Variants in GALNTL6 observed in about 807,000 individuals in gnomAD.
GALNTL6 encodes the protein polypeptide N-acetylgalactosaminyltransferase like 6.
In GALNTL6, 46 loss-of-function variants were observed where a neutral mutation model predicts 73.7. That is an observed-to-expected ratio of 0.62 (90% CI 0.49 to 0.80). The LOEUF (loss-of-function observed/expected upper bound fraction) is 0.80, where lower values mean the gene tolerates loss of function less well. GALNTL6 is among the 30% of genes least tolerant of loss of function. The pLI is 0.00. For synonymous variants in GALNTL6, 259 were observed against 263.7 expected, an observed-to-expected ratio of 0.98 and a Z score of 0.17; for missense variants, 604 against 755.0, an observed-to-expected ratio of 0.80 and a Z score of 2.34.
chr4:172,670,914 C>T (rs1425422940), intron 5 of GALNTL6, among the ~76,000 whole-genome samples: 1 of 152,040 alleles, frequency 6.6e-6, no homozygotes, highest in East Asian at 1.9e-4. Context: ...GGTATCCTTT[C>T]CTTATTGCTT....
intron 2 of GALNTL6, among the ~76,000 whole-genome samples, chr4:171,861,667 A>G (rs1009578135): frequency 2.0e-5 from 3 of 152,082 alleles, no homozygotes; most frequent in Non-Finnish European, 2.9e-5. Context: ...CCACTTACCT[A>G]TATTATTATT....
At chr4:172,350,611 T>G (rs1741909123) in intron 5 of GALNTL6, among the ~76,000 whole-genome samples, 1 of 152,210 alleles carries the variant, frequency 6.6e-6, no homozygotes, top group Admixed American at 6.5e-5. Flanking sequence ...CATTGAGATA[T>G]TCTATTCTTA....
At chr4:172,348,764 C>T (rs333398) in intron 5 of GALNTL6, 75 bp downstream of exon 5, 293,241 of 922,188 alleles carry the variant, frequency 0.32, 49,297 homozygotes, top group East Asian at 0.55. Flanking sequence ...TTAAAAAAGA[C>T]AATGGGAGCT....
chr4:172,727,087 A>T (rs1735860885), intron 5 of GALNTL6, among the ~76,000 whole-genome samples: 1 of 152,210 alleles, frequency 6.6e-6, no homozygotes, highest in South Asian at 2.1e-4. Flanking sequence ...AACAATGAAT[A>T]TTTTTCTACC....
intron 4 of GALNTL6, 47 bp from the exon 5 acceptor site, chr4:172,348,476 C>A: frequency 6.9e-7 from 1 of 1,458,010 alleles, no homozygotes; most frequent in Non-Finnish European, 9.5e-7. Context: ...ATAAGATATA[C>A]AAGAGTTTTG....
At chr4:172,682,187 T>C (rs911179270) in intron 5 of GALNTL6, among the ~76,000 whole-genome samples, 1 of 152,170 alleles carries the variant, frequency 6.6e-6, no homozygotes, top group Admixed American at 6.5e-5. Flanking sequence ...GAACAGATAG[T>C]GCATAGAGTT....
chr4:173,037,690 C>T (rs529951455), intron 12 of GALNTL6, among the ~76,000 whole-genome samples: 3 of 152,130 alleles, frequency 2.0e-5, no homozygotes, highest in South Asian at 4.2e-4. Flanking sequence ...TCTTAACTCT[C>T]ATGAAGTTAT....
At chr4:171,865,238 C>A (rs923794731) in intron 2 of GALNTL6, among the ~76,000 whole-genome samples, 1 of 151,926 alleles carries the variant, frequency 6.6e-6, no homozygotes, top group African/African-American at 2.4e-5. Flanking sequence ...AACCTGGTTT[C>A]TATGAGTCAA....
intron 8 of GALNTL6, among the ~76,000 whole-genome samples, chr4:172,895,402 AT>A (rs1240803881): frequency 1.2e-4 from 14 of 114,376 alleles, no homozygotes; most frequent in Non-Finnish European, 1.3e-4. Context: ...ATATATATAT[AT>A]TTTTTTTTTG....
intron 12 of GALNTL6, among the ~76,000 whole-genome samples, chr4:173,022,090 A>AAAGAAG (rs1554012035): frequency 4.5e-4 from 30 of 66,228 alleles, no homozygotes; most frequent in South Asian, 1.8e-3. Context: ...AAGGAAGGAA[A>AAAGAAG]GAAGGAAGGA....
At chr4:172,036,412 T>C (rs1741931160) in intron 2 of GALNTL6, among the ~76,000 whole-genome samples, 1 of 152,108 alleles carries the variant, frequency 6.6e-6, no homozygotes, top group South Asian at 2.1e-4. Flanking sequence ...ATTATATAAA[T>C]CACACAAAGT....
Position 172,958,138 on chromosome 4 carries a change from G to A in GALNTL6, c.1371+5880G>A, listed in dbSNP as rs529997327. Among the ~76,000 whole-genome samples, 20 of 152,314 alleles carry A rather than the reference G, an allele frequency of 1.3e-4. No individual in the cohort carries two copies. The South Asian group carries it at 3.9e-3, about 30-fold the overall frequency. Reference sequence around the variant, plus strand: ...AGCAGAAAGTGTATGTGTCAGGTGTGAGGAAGAAAATAGATTTTGGAAGTT... The same window carrying A: ...AGCAGAAAGTGTATGTGTCAGGTGTAAGGAAGAAAATAGATTTTGGAAGTT... On this transcript the variant is annotated intron_variant, in intron 10 of 12. Coordinates refer to ENST00000506823, the MANE Select transcript of GALNTL6 (RefSeq NM_001034845.3).
chr4:172,938,959 C>A (rs1286214974), intron 9 of GALNTL6, among the ~76,000 whole-genome samples: 1 of 152,160 alleles, frequency 6.6e-6, no homozygotes, highest in African/African-American at 2.4e-5. Flanking sequence ...AGATGATTCA[C>A]ATACTGCAAT....
intron 2 of GALNTL6, among the ~76,000 whole-genome samples, chr4:172,169,080 T>A (rs1043928069): frequency 2.0e-5 from 3 of 152,226 alleles, no homozygotes; most frequent in Non-Finnish European, 2.9e-5. Context: ...ATGTTATTCC[T>A]AGCCCCAGCT....
At chr4:171,851,167 A>G (rs748158772) in intron 2 of GALNTL6, among the ~76,000 whole-genome samples, 1 of 152,188 alleles carries the variant, frequency 6.6e-6, no homozygotes, top group East Asian at 1.9e-4. Flanking sequence ...CCTCAAAGTA[A>G]TAAGTATTTT....
intron 7 of GALNTL6, among the ~76,000 whole-genome samples, chr4:172,853,559 T>C (rs1743953481): frequency 6.6e-6 from 1 of 152,196 alleles, no homozygotes; most frequent in South Asian, 2.1e-4. Flanking sequence ...AAGATGGTCA[T>C]GAATATCTGA....
chr4:172,725,962 C>G (rs570349118), intron 5 of GALNTL6, among the ~76,000 whole-genome samples: 1 of 152,156 alleles, frequency 6.6e-6, no homozygotes, highest in African/African-American at 2.4e-5. Flanking sequence ...TAGAACACTG[C>G]CTGGAATGTT....
At chr4:172,376,124 T>C (rs1743021595) in intron 5 of GALNTL6, among the ~76,000 whole-genome samples, 1 of 152,142 alleles carries the variant, frequency 6.6e-6, no homozygotes, top group Non-Finnish European at 1.5e-5. Context: ...ATTGTGTCCT[T>C]CTGATTAGTG....
At chr4:171,834,912 T>C (rs1735061907) in intron 2 of GALNTL6, among the ~76,000 whole-genome samples, 2 of 151,956 alleles carry the variant, frequency 1.3e-5, no homozygotes, top group African/African-American at 2.4e-5. Context: ...GTTATTGTAA[T>C]TGAAGAACCT....
Sources: allele counts gnomAD v4.1 joint callset (sites outside exome capture counted in the v4.1 genomes callset), GRCh38; gene constraint gnomAD v4.1.1; transcripts MANE v1.5; gene names NCBI Gene and HGNC (gene_info 2026-07-23, HGNC 2026-07-21).